HNF4G: variants seen among roughly 807,000 people sequenced by gnomAD.
HNF4G encodes the protein hepatocyte nuclear factor 4 gamma.
In HNF4G, 21 loss-of-function variants were observed where a neutral mutation model predicts 50.9. The observed-to-expected ratio is 0.41, with a 90% CI of 0.29 to 0.59. HNF4G has a LOEUF of 0.59. Among genes scored for constraint, HNF4G ranks in the 20% least tolerant of loss-of-function variants. HNF4G has a pLI of 0.26. For synonymous variants in HNF4G, 198 were observed against 185.6 expected, an observed-to-expected ratio of 1.07 and a Z score of -0.54; for missense variants, 527 against 559.4, an observed-to-expected ratio of 0.94 and a Z score of 0.58.
chr8:75,411,157 G>A (rs928450354), intron 1 of HNF4G, among the ~76,000 whole-genome samples: 5 of 152,164 alleles, frequency 3.3e-5, no homozygotes, highest in Admixed American at 6.5e-5. Flanking sequence ...ATGAAGGCAC[G>A]TCAGCTCTAG....
intron 1 of HNF4G, among the ~76,000 whole-genome samples, chr8:75,474,518 T>A (rs1812193133): frequency 6.6e-6 from 1 of 152,130 alleles, no homozygotes; most frequent in South Asian, 2.1e-4. Flanking sequence ...TAAAATAAGT[T>A]CAATATTGAT....
chr8:75,532,514 A>G (rs1806356749), intron 2 of HNF4G, among the ~76,000 whole-genome samples: 1 of 152,042 alleles, frequency 6.6e-6, no homozygotes, highest in Non-Finnish European at 1.5e-5. Context: ...CTTACTTTTT[A>G]TACCACATTG....
chr8:75,443,737 G>T (rs1310766889), intron 1 of HNF4G, among the ~76,000 whole-genome samples: 2 of 151,988 alleles, frequency 1.3e-5, no homozygotes, highest in African/African-American at 4.8e-5. Flanking sequence ...TCTATATTGT[G>T]TACATTCTTC....
chr8:75,512,471 T>C (rs934475529), intron 2 of HNF4G, among the ~76,000 whole-genome samples: 2 of 149,656 alleles, frequency 1.3e-5, no homozygotes, highest in African/African-American at 2.5e-5. Flanking sequence ...ATTATTATTA[T>C]TGTTATTATT....
At chr8:75,492,130 T>G (rs749690917) in intron 2 of HNF4G, among the ~76,000 whole-genome samples, 1 of 152,216 alleles carries the variant, frequency 6.6e-6, no homozygotes, top group Non-Finnish European at 1.5e-5. Flanking sequence ...TCTACACCTG[T>G]TTTCATACTC....
chr8:75,503,465 A>T (rs563374258), intron 2 of HNF4G, among the ~76,000 whole-genome samples: 12 of 152,298 alleles, frequency 7.9e-5, no homozygotes, highest in African/African-American at 2.6e-4. Context: ...GCTTCCAGTG[A>T]GAGATGTTGT....
chr8:75,543,443 A>G (rs963911937), intron 1 of HNF4G, among the ~76,000 whole-genome samples: 1 of 152,174 alleles, frequency 6.6e-6, no homozygotes, highest in Admixed American at 6.5e-5. Flanking sequence ...TAGATTTCAC[A>G]ATGAAGTTCT....
chr8:75,469,532 T>C lies in HNF4G; in HGVS notation c.-143-20557T>C, dbSNP rs79623322. 9.4e-3 allele frequency among the ~76,000 whole-genome samples: 1,433 copies of C among 152,300 alleles called. 33 individuals carry two copies. Among genetic ancestry groups the C allele is most frequent in the African/African-American group, 0.033 (1,374 of 41,572 alleles). ...ATTAAAAAGGTTACTACTCATTTAC[T>C]TGTGTTTTATCATTAGTTCTTTTAC... On this transcript the variant is annotated intron_variant, in intron 1 of 10. Transcript: ENST00000354370.
At chr8:75,528,955 G>C (rs1170084111) in intron 2 of HNF4G, among the ~76,000 whole-genome samples, 1 of 152,052 alleles carries the variant, frequency 6.6e-6, no homozygotes, top group African/African-American at 2.4e-5. Context: ...CTCCTGCCTG[G>C]CAGCAGGAGA....
intron 2 of HNF4G, among the ~76,000 whole-genome samples, chr8:75,523,721 T>C (rs1449274247): frequency 6.6e-6 from 1 of 151,854 alleles, no homozygotes; most frequent in Non-Finnish European, 1.5e-5. Context: ...CCCTGCTGTA[T>C]AAAATAGTAT....
At position 75,523,898 on chromosome 8, in the gene HNF4G, A is replaced by G. The variant is rs1488217682; in HGVS notation, c.-23-19913A>G. ...CTTTATCAAATAATATTCTTAGTGT[A>G]ATAATATAAGAAGTATAATGAAAAT... is the stretch of plus-strand genomic sequence containing the variant. On this transcript the variant is annotated intron_variant, in intron 2 of 10. Transcript: ENST00000354370. Among the ~76,000 whole-genome samples, 3 of 152,018 alleles carry G rather than the reference A, an allele frequency of 2.0e-5. No homozygotes were observed. In the East Asian group the frequency reaches 5.8e-4, roughly 29 times the overall value.
intron 1 of HNF4G, among the ~76,000 whole-genome samples, chr8:75,439,687 C>CACATATATT (rs1811228254): frequency 6.6e-6 from 1 of 151,974 alleles, no homozygotes; most frequent in Non-Finnish European, 1.5e-5. Context: ...ATTAAGAGTT[C>CACATATATT]ACATATATTA....
chr8:75,538,254 GAT>G (rs1163907177), upstream of HNF4G, among the ~76,000 whole-genome samples: 2 of 152,276 alleles, frequency 1.3e-5, no homozygotes, highest in East Asian at 3.9e-4. Flanking sequence ...TCTGTGCTTA[GAT>G]CCATCTGTAG....
chr8:75,530,219 T>C (rs1347449956), intron 2 of HNF4G, among the ~76,000 whole-genome samples: 1 of 152,206 alleles, frequency 6.6e-6, no homozygotes, highest in East Asian at 1.9e-4. Flanking sequence ...TGAGTTCCCC[T>C]ATCCTTGATC....
chr8:75,556,796 T>C (rs2941469), intron 6 of HNF4G, among the ~76,000 whole-genome samples: 97,600 of 152,034 alleles, frequency 0.64, 33,078 homozygotes, highest in African/African-American at 0.86. Flanking sequence ...GCCCCAAATA[T>C]AAATAAATTG....
At chr8:75,508,319 AT>A (rs1483131944) in intron 2 of HNF4G, among the ~76,000 whole-genome samples, 1 of 151,974 alleles carries the variant, frequency 6.6e-6, no homozygotes, top group Non-Finnish European at 1.5e-5. Context: ...TAATATCCAA[AT>A]AAAATATGTT....
At chr8:75,473,296 C>CAA (rs927184911) in intron 1 of HNF4G, among the ~76,000 whole-genome samples, 4 of 123,546 alleles carry the variant, frequency 3.2e-5, no homozygotes, top group Admixed American at 8.2e-5. Flanking sequence ...GACTCCGTCT[C>CAA]AAAAAAAAAA....
chr8:75,554,697 C>T lies in HNF4G; in HGVS notation c.646-1285C>T, dbSNP rs2943590. Among the ~76,000 whole-genome samples, 1,027 of 152,254 alleles carry T rather than the reference C, an allele frequency of 6.7e-3. 2 individuals carry two copies. The highest frequency in any genetic ancestry group is 9.6e-3 in the Non-Finnish European group (651 of 68,022). ...AAAATACAGATTTCTTCACTATTCTCATAAATGTACACTCTATTTGAGAAA... is the reference window on the plus strand; with the variant it reads ...AAAATACAGATTTCTTCACTATTCTTATAAATGTACACTCTATTTGAGAAA... On this transcript the variant is annotated intron_variant, in intron 5 of 9. Coordinates refer to ENST00000396423, the MANE Select transcript of HNF4G (RefSeq NM_004133.5).
intron 2 of HNF4G, among the ~76,000 whole-genome samples, chr8:75,505,439 C>T (rs1008312434): frequency 1.3e-5 from 2 of 152,086 alleles, no homozygotes; most frequent in Non-Finnish European, 2.9e-5. Context: ...TCTCTTTCTA[C>T]ATCATTCTTT....
Sources: gnomAD v4.1 joint callset for allele counts (sites outside exome capture counted in the v4.1 genomes callset) on GRCh38, gnomAD v4.1.1 for gene constraint, MANE v1.5 for transcripts, NCBI Gene and HGNC (gene_info 2026-07-23, HGNC 2026-07-21) for gene names.